BRINP3: variants seen among roughly 807,000 people sequenced by gnomAD.
BRINP3 encodes BMP/retinoic acid-inducible neural-specific protein 3.
Under a neutral mutation model 71.0 loss-of-function variants are expected in BRINP3, and 19 were observed. The ratio of observed to expected loss-of-function variants is 0.27; its 90% CI spans 0.19 to 0.39. BRINP3 has a LOEUF of 0.39. Ranked by LOEUF, BRINP3 falls within the 10% of genes least tolerant of loss-of-function variation. BRINP3 has a pLI of 1.00. For missense variants in BRINP3, 959 were observed against 940.8 expected (o/e 1.02, Z -0.25); for synonymous variants, 380 against 337.7 (o/e 1.13, Z -1.37).
At chr1:190,179,407 T>A (rs1250414533) in intron 6 of BRINP3, among the ~76,000 whole-genome samples, 2 of 151,988 alleles carry the variant, frequency 1.3e-5, no homozygotes, top group Non-Finnish European at 2.9e-5. Context: ...TCTTGAAAAA[T>A]AATGAAGAAA....
intron 2 of BRINP3, among the ~76,000 whole-genome samples, chr1:190,362,983 A>C (rs1161189794): frequency 6.6e-6 from 1 of 152,136 alleles, no homozygotes; most frequent in African/African-American, 2.4e-5. Flanking sequence ...TCATGATAGG[A>C]TATTATTTCT....
At chr1:190,177,258 A>T (rs1571916841) in intron 6 of BRINP3, among the ~76,000 whole-genome samples, 1 of 134,154 alleles carries the variant, frequency 7.5e-6, no homozygotes, top group Non-Finnish European at 1.5e-5. Context: ...TGCCTCCCAG[A>T]TTTACGCCAT....
intron 2 of BRINP3, among the ~76,000 whole-genome samples, chr1:190,444,172 G>A (rs1020247448): frequency 2.8e-5 from 4 of 145,136 alleles, no homozygotes; most frequent in Non-Finnish European, 4.5e-5. Flanking sequence ...GGTGGAGGAG[G>A]TTGCAGTGAC....
At chr1:190,394,745 T>C (rs984979633) in intron 2 of BRINP3, among the ~76,000 whole-genome samples, 5 of 151,582 alleles carry the variant, frequency 3.3e-5, no homozygotes, top group Non-Finnish European at 7.4e-5. Flanking sequence ...TCTATATAAA[T>C]TATAATTATT....
At chr1:190,258,076 G>T (rs1660830930) in intron 4 of BRINP3, among the ~76,000 whole-genome samples, 1 of 152,212 alleles carries the variant, frequency 6.6e-6, no homozygotes, top group Non-Finnish European at 1.5e-5. Flanking sequence ...GTTCAGCTAT[G>T]CCCTGCCCCC....
intron 6 of BRINP3, among the ~76,000 whole-genome samples, chr1:190,203,332 G>T (rs1571350447): frequency 6.6e-6 from 1 of 151,696 alleles, no homozygotes; most frequent in Non-Finnish European, 1.5e-5. Context: ...AGGACCATGA[G>T]ATGCAGTTGG....
At chr1:190,166,371 A>G (rs960793615) in intron 6 of BRINP3, among the ~76,000 whole-genome samples, 4 of 152,154 alleles carry the variant, frequency 2.6e-5, no homozygotes, top group Admixed American at 6.5e-5. Flanking sequence ...AAGCATTTCA[A>G]TACATCAAGC....
At chr1:190,255,045 T>C (rs886686922) in intron 4 of BRINP3, among the ~76,000 whole-genome samples, 24 of 152,056 alleles carry the variant, frequency 1.6e-4, no homozygotes, top group South Asian at 4.1e-4. Context: ...GTTTTTTTTT[T>C]CATTGGTTCT....
intron 5 of BRINP3, among the ~76,000 whole-genome samples, chr1:190,230,365 C>T (rs1483697492): frequency 6.6e-6 from 1 of 151,916 alleles, no homozygotes; most frequent in Non-Finnish European, 1.5e-5. Flanking sequence ...AAATGACCAG[C>T]TGGTCAATGT....
intron 2 of BRINP3, among the ~76,000 whole-genome samples, chr1:190,341,675 A>G (rs1028363289): frequency 1.3e-5 from 2 of 151,832 alleles, no homozygotes; most frequent in East Asian, 2.0e-4. Context: ...GGAGATGACT[A>G]TAAGATGGGA....
chr1:190,326,348 T>C (rs1666578324), intron 2 of BRINP3, among the ~76,000 whole-genome samples: 1 of 152,054 alleles, frequency 6.6e-6, no homozygotes, highest in Admixed American at 6.6e-5. Flanking sequence ...AAAGCATATT[T>C]GAATATGCCA....
intron 1 of BRINP3, among the ~76,000 whole-genome samples, chr1:190,461,460 TG>T (rs1558307877): frequency 6.6e-6 from 1 of 152,196 alleles, no homozygotes; most frequent in Non-Finnish European, 1.5e-5. Context: ...TTCCCTATGA[TG>T]GTACATTTAC....
intron 4 of BRINP3, among the ~76,000 whole-genome samples, chr1:190,261,028 G>C (rs1661139752): frequency 6.6e-6 from 1 of 151,680 alleles, no homozygotes; most frequent in Non-Finnish European, 1.5e-5. Context: ...TTTTAGTAGA[G>C]TCCTATTATA....
intron 2 of BRINP3, among the ~76,000 whole-genome samples, chr1:190,371,673 A>G (rs897007459): frequency 1.3e-5 from 2 of 152,160 alleles, no homozygotes; most frequent in African/African-American, 4.8e-5. Context: ...TTCCATATTA[A>G]TTTTAGGATT....
intron 6 of BRINP3, among the ~76,000 whole-genome samples, chr1:190,167,711 T>C (rs953700926): frequency 2.0e-5 from 3 of 152,136 alleles, no homozygotes; most frequent in African/African-American, 7.2e-5. Flanking sequence ...AGGGTAGATA[T>C]GTAGGATGAC....
At chr1:190,465,284 A>C (rs150689937) in intron 1 of BRINP3, among the ~76,000 whole-genome samples, 2 of 152,120 alleles carry the variant, frequency 1.3e-5, no homozygotes, top group Non-Finnish European at 2.9e-5. Context: ...ATGTTTAGAA[A>C]GTATATTAGA....
At chr1:190,251,251 C>A (rs1028178072) in intron 4 of BRINP3, among the ~76,000 whole-genome samples, 7 of 151,860 alleles carry the variant, frequency 4.6e-5, no homozygotes, top group Admixed American at 3.3e-4. Context: ...GTACTTATAA[C>A]TATGAGCATA....
At chr1:190,310,828 A>C (rs1665465050) in intron 2 of BRINP3, among the ~76,000 whole-genome samples, 1 of 151,742 alleles carries the variant, frequency 6.6e-6, no homozygotes, top group African/African-American at 2.4e-5. Context: ...TCATTCTATA[A>C]TTATCCAAAT....
intron 7 of BRINP3, among the ~76,000 whole-genome samples, chr1:190,119,453 T>G (rs545831556): frequency 6.6e-6 from 1 of 152,000 alleles, no homozygotes; most frequent in Non-Finnish European, 1.5e-5. Context: ...TTTTTCTATT[T>G]TTAGTAGAGA....
Sources: allele counts gnomAD v4.1 joint callset (sites outside exome capture counted in the v4.1 genomes callset), GRCh38; gene constraint gnomAD v4.1.1; transcripts MANE v1.5; gene names NCBI Gene and HGNC (gene_info 2026-07-23, HGNC 2026-07-21).